MDN1: variants seen among roughly 807,000 people sequenced by gnomAD.
The protein encoded by MDN1 is midasin AAA ATPase 1, also known as midasin.
A neutral mutation model predicts 669.2 loss-of-function variants in MDN1; 266 were observed. The ratio of observed to expected loss-of-function variants is 0.40; its 90% CI spans 0.36 to 0.44. The LOEUF (loss-of-function observed/expected upper bound fraction) is 0.44, where lower values mean the gene tolerates loss of function less well. MDN1 is among the 20% of genes least tolerant of loss of function. The pLI is 1.00. For synonymous variants in MDN1, 2,385 were observed against 2,457.1 expected, an observed-to-expected ratio of 0.97 and a Z score of 0.87; for missense variants, 5,940 against 6,754.0, an observed-to-expected ratio of 0.88 and a Z score of 4.22.
At chr6:89,672,801 G>A (rs1392158887) in intron 80 of MDN1, 99 bp from the exon 81 acceptor site, 62 of 1,305,818 alleles carry the variant, frequency 4.7e-5, no homozygotes, top group Non-Finnish European at 6.0e-5. Flanking sequence ...ATTTATTGAT[G>A]AGCCACTGTG....
At chr6:89,701,522 A>G in intron 55 of MDN1, 36 bp downstream of exon 55, 1 of 1,609,720 alleles carries the variant, frequency 6.2e-7, no homozygotes, top group East Asian at 2.2e-5. Context: ...AGTAGTAGTC[A>G]CATTTCTTTT....
rs9359861 is a variant in MDN1, at chr6:89,745,365, A to G, written c.4086T>C (p.His1362=). The G allele has an allele frequency of 0.85, 1,373,294 of 1,613,878 alleles. 586,165 individuals are homozygous for G. Among genetic ancestry groups the G allele is most frequent in the East Asian group, 1 (44,826 of 44,856 alleles). The change falls in exon 29 of 102, where the codon CAT becomes CAC. Residue 1362 remains histidine, a synonymous_variant. Coordinates refer to ENST00000369393, the MANE Select transcript of MDN1 (RefSeq NM_014611.3). ...QISTLECNFG[H]IVWTEGMRRL... The stretch of plus-strand genomic sequence containing the variant: ...TCCGCATGCCCTCAGTCCACACGAT[A>G]TGGCCAAAGTTACACTCCAATGTGG...
Position 89,803,544 on chromosome 6 carries a change from G to C in MDN1, c.113C>G (p.Pro38Arg). 1 of 1,611,820 alleles carries C rather than the reference G, an allele frequency of 6.2e-7. No individual in the cohort carries two copies. Among genetic ancestry groups the C allele is most frequent in the Non-Finnish European group, 8.5e-7 (1 of 1,178,546 alleles). Reference sequence around the variant, plus strand: ...ACTCAGGACACACTGGCGATCTTGAGGTGTCCACACCTGAGAAAGGCAAAA... The same window carrying C: ...ACTCAGGACACACTGGCGATCTTGACGTGTCCACACCTGAGAAAGGCAAAA... ...GRFLAKQVWT[P>R]QDRQCVLSTL... Residue 38 changes from proline to arginine, a missense_variant, in exon 2 of 102, where the codon CCT becomes CGT. Around this residue, in one of 5 missense-constraint regions of MDN1, gnomAD observed 1,203 missense variants for 1,268.9 expected, o/e 0.95. Coordinates refer to ENST00000369393, the MANE Select transcript of MDN1 (RefSeq NM_014611.3).
intron 40 of MDN1, among the ~76,000 whole-genome samples, chr6:89,719,526 CA>C (rs970383975): frequency 6.6e-6 from 1 of 151,800 alleles, no homozygotes; most frequent in African/African-American, 2.4e-5. Flanking sequence ...AATCTAGAGA[CA>C]AAAAAAGAGT....
chr6:89,701,514 T>C lies in MDN1; in HGVS notation c.8427+44A>G, dbSNP rs192795341. The stretch of plus-strand genomic sequence containing the variant: ...CCAAGTTCCAAAAGGACTTCAGAAG[T>C]AGTAGTCACATTTCTTTTATTTACT... On this transcript the variant is annotated intron_variant, in intron 55 of 101. Coordinates refer to ENST00000369393, the MANE Select transcript of MDN1 (RefSeq NM_014611.3). The C allele has an allele frequency of 2.5e-3, 4,095 of 1,607,442 alleles. 13 individuals carry two copies. Among genetic ancestry groups the C allele is most frequent in the Non-Finnish European group, 2.4e-3 (2,858 of 1,177,162 alleles).
intron 5 of MDN1, among the ~76,000 whole-genome samples, chr6:89,791,875 A>ATT (rs66492732): frequency 0.014 from 1,550 of 113,938 alleles, 16 homozygotes; most frequent in African/African-American, 0.017. Flanking sequence ...AAAACTTTTA[A>ATT]TTTTTTTTTT....
rs116075586 is a variant in MDN1 at position 89,794,735 on chromosome 6, A to G, written c.396T>C (p.Asp132=). The G allele has an allele frequency of 5.0e-4, 813 of 1,614,218 alleles. No homozygotes were observed. Among genetic ancestry groups the G allele is most frequent in the Non-Finnish European group, 6.5e-4 (772 of 1,180,048 alleles). ...TACGTCCATAGCGTACTGGATTAGC[A>G]TCTGAACTCTCTAGGAAAAGTCTTT... ...VFQRLFLESS[D]ANPVRYGRRR... Residue 132 remains aspartate (D), a synonymous_variant, in exon 3 of 102, where the codon GAT becomes GAC. Transcript: ENST00000369393.
chr6:89,648,374 TA>T, intron 97 of MDN1, 45 bp from the exon 98 acceptor site: 1 of 1,554,784 alleles, frequency 6.4e-7, no homozygotes, highest in Middle Eastern at 1.7e-4. Flanking sequence ...GAATATCCTC[TA>T]AACCAGAGCC....
intron 1 of MDN1, among the ~76,000 whole-genome samples, chr6:89,818,320 CAAAAA>C (rs60891640): frequency 5.9e-5 from 4 of 67,810 alleles, no homozygotes; most frequent in Admixed American, 1.9e-4. Flanking sequence ...GCCTCCGTCT[CAAAAA>C]AAAAAAAAAA....
chr6:89,792,444 C>T (rs1819318583), intron 5 of MDN1, among the ~76,000 whole-genome samples: 1 of 151,996 alleles, frequency 6.6e-6, no homozygotes, highest in South Asian at 2.1e-4. Context: ...CAGAATCCTT[C>T]CCTATGTTAA....
chr6:89,682,323 T>A (rs780879742), intron 73 of MDN1, among the ~76,000 whole-genome samples: 8 of 152,164 alleles, frequency 5.3e-5, no homozygotes, highest in Non-Finnish European at 1.2e-4. Context: ...TCTCACAGGC[T>A]GACATTAAAT....
At chr6:89,762,610 G>C (rs1029496925) in intron 15 of MDN1, 80 bp from the exon 16 acceptor site, 10 of 987,512 alleles carry the variant, frequency 1.0e-5, no homozygotes, top group Non-Finnish European at 1.5e-5. Context: ...GAAAACAGGA[G>C]TAGGTCTCAG....
At chr6:89,689,768 G>A (rs573412500) in intron 65 of MDN1, 102 bp downstream of exon 65, 10 of 1,365,862 alleles carry the variant, frequency 7.3e-6, no homozygotes, top group African/African-American at 2.9e-5. Flanking sequence ...GGAATTATGC[G>A]AAAACAGGAA....
At position 89,680,694 on chromosome 6, in the gene MDN1, G is replaced by A; in HGVS notation, c.12160C>T (p.Leu4054=). ...AAPSGLEGEL[L]RRLPKLRKRM... ...TTCCTGAGCTTTGGCAAGCGACGCA[G>A]AAGCTCCCCTTCCAAGCCGGAAGGA... Residue 4054 remains leucine (L), a synonymous_variant, in exon 74 of 102, where the codon CTG becomes TTG. Transcript: ENST00000369393. The A allele has an allele frequency of 6.2e-7, 1 of 1,614,106 alleles. No homozygotes were observed. The highest frequency in any genetic ancestry group is 1.1e-5 in the South Asian group (1 of 91,084).
At position 89,803,371 on chromosome 6, in the gene MDN1, C is replaced by G. The variant is rs769285696; in HGVS notation, c.286G>C (p.Val96Leu). 5 of 1,614,164 alleles carry G rather than the reference C, an allele frequency of 3.1e-6. No individual in the cohort carries two copies. Among genetic ancestry groups the G allele is most frequent in the Non-Finnish European group, 4.2e-6 (5 of 1,180,038 alleles). ...TTACCAATGAGTTTGCTCATCGACACACATAGCCGTTCATGCAGATCATGG... is the reference window on the plus strand; with the variant it reads ...TTACCAATGAGTTTGCTCATCGACAGACATAGCCGTTCATGCAGATCATGG... The part of the protein sequence containing the change: ...INHDLHERLC[V>L]SMSKLIGNHP... Residue 96 changes from valine to leucine, a missense_variant, in exon 2 of 102, where the codon GTG (valine) becomes CTG (leucine). Transcript: ENST00000369393.
intron 47 of MDN1, 60 bp downstream of exon 47, chr6:89,713,088 C>A: frequency 1.3e-6 from 2 of 1,548,434 alleles, no homozygotes; most frequent in Admixed American, 3.9e-5. Context: ...AAATAATTTC[C>A]TCGTACTCAA....
intron 33 of MDN1, among the ~76,000 whole-genome samples, chr6:89,735,485 C>A (rs562273307): frequency 2.0e-5 from 3 of 151,784 alleles, no homozygotes; most frequent in Admixed American, 6.6e-5. Flanking sequence ...GGGTTTCTCC[C>A]ACCTTGGCTT....
At chr6:89,747,627 C>A (rs1328719459) in intron 26 of MDN1, among the ~76,000 whole-genome samples, 157 bp from the exon 27 acceptor site, 1 of 151,764 alleles carries the variant, frequency 6.6e-6, no homozygotes, top group Non-Finnish European at 1.5e-5. Context: ...CGTGGTGGCT[C>A]AAGCCTGTAA....
intron 1 of MDN1, among the ~76,000 whole-genome samples, chr6:89,808,206 T>C (rs371507048): frequency 4.6e-5 from 7 of 152,296 alleles, no homozygotes; most frequent in African/African-American, 1.4e-4. Context: ...CTGACTTTTC[T>C]CCTGGCAATG....
Sources: gnomAD v4.1 joint callset for allele counts (sites outside exome capture counted in the v4.1 genomes callset) on GRCh38, gnomAD v4.1.1 for gene constraint, gnomAD v4.1.1 regional missense constraint, MANE v1.5 for transcripts, NCBI Gene and HGNC (gene_info 2026-07-23, HGNC 2026-07-21) for gene names.